ATF2: variants seen among roughly 807,000 people sequenced by gnomAD.
The protein encoded by ATF2 is activating transcription factor 2.
ATF2 carries 24 observed loss-of-function variants against 60.6 expected under a neutral mutation model. The observed-to-expected ratio is 0.40, with a 90% confidence interval of 0.29 to 0.56. The LOEUF (loss-of-function observed/expected upper bound fraction) is 0.56. ATF2 is among the 20% of genes least tolerant of loss of function. ATF2 has a pLI of 0.54. For missense variants in ATF2, 433 were observed against 607.7 expected (o/e 0.71, Z 3.02); for synonymous variants, 206 against 215.4 (o/e 0.96, Z 0.38).
intron 2 of ATF2, among the ~76,000 whole-genome samples, chr2:175,146,788 T>C (rs1430679525): frequency 6.6e-6 from 1 of 150,824 alleles, no homozygotes; most frequent in African/African-American, 2.5e-5. Context: ...TACCTGCTCA[T>C]TACTACATAG....
intron 2 of ATF2, among the ~76,000 whole-genome samples, chr2:175,146,113 T>A (rs1035847518): frequency 2.6e-5 from 4 of 152,182 alleles, no homozygotes; most frequent in African/African-American, 9.7e-5. Flanking sequence ...GCATCACTTC[T>A]ATAATAGTCA....
chr2:175,132,484 T>C (rs73037993), intron 3 of ATF2, among the ~76,000 whole-genome samples: 1 of 152,330 alleles, frequency 6.6e-6, no homozygotes, highest in Non-Finnish European at 1.5e-5. Context: ...TCACACTGAA[T>C]GTTGAACAAA....
intron 4 of ATF2, among the ~76,000 whole-genome samples, chr2:175,123,621 T>C (rs562950711): frequency 1.3e-5 from 2 of 152,134 alleles, no homozygotes; most frequent in African/African-American, 4.8e-5. Flanking sequence ...TGGCACCAAG[T>C]TCAATCCTAA....
At position 175,074,237 on chromosome 2, in the gene ATF2, G is replaced by A. The variant is rs1693122374; in HGVS notation, c.*372C>T. 1 of 172,636 alleles carries A rather than the reference G, an allele frequency of 5.8e-6. No homozygotes were observed. The highest frequency in any genetic ancestry group is 1.2e-5 in the Non-Finnish European group (1 of 80,452). The allele number at this position is 172,636 out of a possible 1,614,324, so 10.7% of individuals were successfully genotyped here. On this transcript the variant is annotated 3_prime_UTR_variant, in exon 14 of 14. Transcript: ENST00000264110. Reference sequence around the variant, plus strand: ...TAATACTACTACCGTCACAGTTGAGGGTTAAGGGGTGGTCAAAAGAAATGG... The same window carrying A: ...TAATACTACTACCGTCACAGTTGAGAGTTAAGGGGTGGTCAAAAGAAATGG...
At chr2:175,088,853 G>T (rs1258567695) in intron 12 of ATF2, among the ~76,000 whole-genome samples, 1 of 152,028 alleles carries the variant, frequency 6.6e-6, no homozygotes, top group Non-Finnish European at 1.5e-5. Flanking sequence ...TCAAGTAAAA[G>T]ATAACAAAAT....
chr2:175,121,624 A>G, intron 4 of ATF2, 84 bp from the exon 5 acceptor site: 1 of 1,043,410 alleles, frequency 9.6e-7, no homozygotes, highest in East Asian at 2.6e-5. Flanking sequence ...TTTCCACAAC[A>G]TGTAAAACCA....
intron 10 of ATF2, among the ~76,000 whole-genome samples, chr2:175,104,525 G>C (rs1399670431): frequency 2.6e-5 from 4 of 152,150 alleles, no homozygotes; most frequent in Non-Finnish European, 5.9e-5. Flanking sequence ...TGTGTAACAT[G>C]AATCTAGGGA....
chr2:175,074,784 T>C lies in ATF2; in HGVS notation c.1343A>G (p.His448Arg), dbSNP rs1693175349. 2 of 1,613,620 alleles carry C rather than the reference T, an allele frequency of 1.2e-6. No homozygotes were observed. The highest frequency in any genetic ancestry group is 1.1e-5 in the South Asian group (1 of 91,088). ...CGAACTATGCTGTATAGCTTCTGTA[T>C]GTGGACTACTCGGCACTGAAATGTC... ...SEDISVPSSPHTEAIQHSSVS... is the reference protein window; with the variant it reads ...SEDISVPSSPRTEAIQHSSVS... The change falls in exon 14 of 14, where the codon CAT becomes CGT. Residue 448 changes from histidine (H) to arginine (R), a missense_variant. Physicochemically the swap from His to Arg is conservative, Grantham distance 29. This residue lies in a region of ATF2 where 114 missense variants were observed against 104.0 expected (regional missense o/e 1.10). Coordinates refer to ENST00000264110, the MANE Select transcript of ATF2 (RefSeq NM_001880.4).
intron 1 of ATF2, among the ~76,000 whole-genome samples, chr2:175,157,488 T>C (rs1473329487): frequency 2.0e-5 from 3 of 152,200 alleles, no homozygotes; most frequent in African/African-American, 7.2e-5. Flanking sequence ...CAAGTGGCCA[T>C]GCTGTGGTGT....
At position 175,120,878 on chromosome 2, in the gene ATF2, T is replaced by G. The variant is rs572701475; in HGVS notation, c.199+566A>C. 3.3e-4 allele frequency among the ~76,000 whole-genome samples: 50 copies of G among 151,900 alleles called. 2 individuals are homozygous for G. In the East Asian group the frequency reaches 9.3e-3, roughly 28 times the overall value. Reference sequence around the variant, plus strand: ...TATGAACTGGGTTTTTCTTTTCACATACAGTGAAAAATAATCATCTGCTTA... The same window carrying G: ...TATGAACTGGGTTTTTCTTTTCACAGACAGTGAAAAATAATCATCTGCTTA... On this transcript the variant is annotated intron_variant, in intron 5 of 13. Transcript: ENST00000264110.
intron 1 of ATF2, chr2:175,167,825 C>A (rs1420213141): frequency 4.7e-6 from 2 of 427,754 alleles, no homozygotes; most frequent in Non-Finnish European, 1.0e-5. Context: ...GGTTACCTAA[C>A]GGTCCGGCCC....
Position 175,074,620 on chromosome 2 carries a change from A to G in ATF2, c.1507T>C (p.Ser503Pro). The change falls in exon 14 of 14, where the codon TCA becomes CCA. Residue 503 changes from serine (S) to proline (P), a missense_variant. Ser to Pro is a moderately conservative substitution (Grantham distance 74, BLOSUM62 -1). This residue lies in a region of ATF2 where 114 missense variants were observed against 104.0 expected (regional missense o/e 1.10). Coordinates refer to ENST00000264110, the MANE Select transcript of ATF2 (RefSeq NM_001880.4). ...VMAPSSQSQP[S>P]GS ...CTGCAGGTTTTTAATCAACTTCCTGAGGGCTGTGACTGGGAGGAAGGAGCC... is the reference window on the plus strand; with the variant it reads ...CTGCAGGTTTTTAATCAACTTCCTGGGGGCTGTGACTGGGAGGAAGGAGCC... 6.2e-7 allele frequency: 1 copy of G among 1,612,146 alleles called. No homozygotes were observed.
At chr2:175,138,757 T>C (rs915147914) in intron 2 of ATF2, among the ~76,000 whole-genome samples, 1 of 152,196 alleles carries the variant, frequency 6.6e-6, no homozygotes, top group African/African-American at 2.4e-5. Context: ...AGATTGAAAA[T>C]TTCTTCCACA....
chr2:175,101,872 G>A (rs1055573924), intron 10 of ATF2, among the ~76,000 whole-genome samples: 2 of 151,852 alleles, frequency 1.3e-5, no homozygotes, highest in African/African-American at 4.8e-5. Context: ...AGATTTTAAG[G>A]GTTAATTAAC....
Position 175,121,546 on chromosome 2 carries a change from G to A in ATF2, c.103-6C>T. Reference sequence around the variant, plus strand: ...TGATCCTCGTTGGTAAAACGCTGTGGCAAAAAGTTTTAAAATATAGTTAAG... The same window carrying A: ...TGATCCTCGTTGGTAAAACGCTGTGACAAAAAGTTTTAAAATATAGTTAAG... On this transcript the variant is annotated splice_region_variant and splice_polypyrimidine_tract_variant and intron_variant, in intron 4 of 13. Coordinates refer to ENST00000264110, the MANE Select transcript of ATF2 (RefSeq NM_001880.4). 1 of 1,585,844 alleles carries A rather than the reference G, an allele frequency of 6.3e-7. No homozygotes were observed. The highest frequency in any genetic ancestry group is 8.6e-7 in the Non-Finnish European group (1 of 1,166,752).
rs61740493 is a variant in ATF2, at chr2:175,093,202, G to A, written c.1044C>T (p.Asn348=). 9.7e-4 allele frequency: 1,564 copies of A among 1,613,978 alleles called. 19 individuals are homozygous for A. The African/African-American group carries it at 0.019, about 19-fold the overall frequency. ...TTCTCCTTTTTTCATCAGGATCTTC[G>A]TTAGCTGCTCTTCTCCGACGACCAC... is the stretch of plus-strand genomic sequence containing the variant. ...STSGRRRRAA[N]EDPDEKRRKF... The change falls in exon 12 of 14, where the codon AAC becomes AAT. Residue 348 remains asparagine, a synonymous_variant. Coordinates refer to ENST00000264110, the MANE Select transcript of ATF2 (RefSeq NM_001880.4).
chr2:175,148,646 G>A (rs949905154), intron 2 of ATF2, among the ~76,000 whole-genome samples: 40 of 152,240 alleles, frequency 2.6e-4, no homozygotes, highest in Middle Eastern at 3.4e-3. Flanking sequence ...CACAGAGACC[G>A]TAAGATTGAT....
Position 175,074,782 on chromosome 2 carries a change from T to C in ATF2, c.1345A>G (p.Thr449Ala), listed in dbSNP as rs1693175165. 1.9e-6 allele frequency: 3 copies of C among 1,613,580 alleles called. No homozygotes were observed. The highest frequency in any genetic ancestry group is 2.5e-6 in the Non-Finnish European group (3 of 1,179,692). Residue 449 changes from threonine (T) to alanine (A), a missense_variant, in exon 14 of 14, where the codon ACA becomes GCA. Thr to Ala is a moderately conservative substitution (Grantham distance 58). Around this residue, in one of 5 missense-constraint regions of ATF2, gnomAD observed 114 missense variants for 104.0 expected, o/e 1.10. Coordinates refer to ENST00000264110, the MANE Select transcript of ATF2 (RefSeq NM_001880.4). Reference sequence around the variant, plus strand: ...ACCGAACTATGCTGTATAGCTTCTGTATGTGGACTACTCGGCACTGAAATG... The same window carrying C: ...ACCGAACTATGCTGTATAGCTTCTGCATGTGGACTACTCGGCACTGAAATG... ...EDISVPSSPH[T>A]EAIQHSSVST...
intron 10 of ATF2, among the ~76,000 whole-genome samples, chr2:175,104,446 A>G (rs1695505868): frequency 1.3e-5 from 2 of 151,964 alleles, no homozygotes; most frequent in South Asian, 4.2e-4. Flanking sequence ...AGAAATTACA[A>G]GTTTTAAGGT....
Sources: gnomAD v4.1 joint callset for allele counts (sites outside exome capture counted in the v4.1 genomes callset) on GRCh38, gnomAD v4.1.1 for gene constraint, gnomAD v4.1.1 regional missense constraint, MANE v1.5 for transcripts, NCBI Gene and HGNC (gene_info 2026-07-23, HGNC 2026-07-21) for gene names.